SH3BP5: variants seen among roughly 807,000 people sequenced by gnomAD.
SH3BP5 encodes the protein SH3 domain-binding protein 5.
SH3BP5 carries 22 observed loss-of-function variants against 43.3 expected under a neutral mutation model. The observed-to-expected ratio is 0.51, with a 90% CI of 0.36 to 0.73. The LOEUF is 0.73. SH3BP5 is among the 30% of genes least tolerant of loss of function. SH3BP5 has a pLI of 0.00. For missense variants in SH3BP5, 529 were observed against 586.9 expected, an observed-to-expected ratio of 0.90 and a Z score of 1.02; for synonymous variants, 255 against 225.8, an observed-to-expected ratio of 1.13 and a Z score of -1.16.
At chr3:15,325,792 G>C (rs762884839) in intron 2 of SH3BP5, among the ~76,000 whole-genome samples, 3 of 152,190 alleles carry the variant, frequency 2.0e-5, no homozygotes, top group African/African-American at 7.2e-5. Flanking sequence ...GGCCAAGGGA[G>C]GCAGATCGCT....
At chr3:15,264,118 G>C (rs1696550633) in intron 4 of SH3BP5, among the ~76,000 whole-genome samples, 2 of 152,122 alleles carry the variant, frequency 1.3e-5, no homozygotes, top group African/African-American at 4.8e-5. Context: ...TTACGATAAG[G>C]ATTTTTAAAG....
At chr3:15,256,402 A>G in intron 8 of SH3BP5, 99 bp from the exon 9 acceptor site, 1 of 1,318,476 alleles carries the variant, frequency 7.6e-7, no homozygotes, top group Non-Finnish European at 1.1e-6. Flanking sequence ...TGACAATTCT[A>G]AGTCACTTGA....
chr3:15,291,538 A>G (rs112940346), intron 3 of SH3BP5, among the ~76,000 whole-genome samples: 2 of 152,322 alleles, frequency 1.3e-5, no homozygotes, highest in African/African-American at 4.8e-5. Flanking sequence ...GGTGTTCTGT[A>G]TTCCCATGTT....
At chr3:15,336,158 G>A (rs1224464578), upstream of SH3BP5, among the ~76,000 whole-genome samples, 1 of 152,044 alleles carries the variant, frequency 6.6e-6, no homozygotes, top group Non-Finnish European at 1.5e-5. Flanking sequence ...AAAGAAATGA[G>A]AAAGCGTACC....
intron 5 of SH3BP5, 116 bp downstream of exon 5, chr3:15,262,043 G>A (rs1292850991): frequency 1.6e-6 from 2 of 1,213,180 alleles, no homozygotes; most frequent in East Asian, 2.4e-5. Context: ...TGAGGCCCCA[G>A]GGTCTACATC....
At chr3:15,258,637 C>T in intron 7 of SH3BP5, 194 bp downstream of exon 7, 3 of 574,692 alleles carry the variant, frequency 5.2e-6, no homozygotes, top group Non-Finnish European at 9.2e-6. Flanking sequence ...ACCACAGAAT[C>T]CTGACTTTGA....
intron 2 of SH3BP5, among the ~76,000 whole-genome samples, chr3:15,307,513 C>T (rs1380932472): frequency 6.6e-6 from 1 of 152,222 alleles, no homozygotes; most frequent in Non-Finnish European, 1.5e-5. Context: ...TGTTACTTTC[C>T]ATCCCATAGG....
At chr3:15,286,105 G>A (rs566488042) in intron 3 of SH3BP5, among the ~76,000 whole-genome samples, 106 of 152,340 alleles carry the variant, frequency 7.0e-4, no homozygotes, top group African/African-American at 2.4e-3. Context: ...GCAGCCGGCG[G>A]GCCCTGGCCA....
intron 3 of SH3BP5, among the ~76,000 whole-genome samples, chr3:15,272,473 T>C (rs1039481009): frequency 1.3e-5 from 2 of 152,062 alleles, no homozygotes; most frequent in African/African-American, 4.8e-5. Flanking sequence ...AGGACACAAA[T>C]GATTTGAAAA....
chr3:15,312,446 A>C (rs539428474), intron 2 of SH3BP5, among the ~76,000 whole-genome samples: 1 of 152,322 alleles, frequency 6.6e-6, no homozygotes, highest in Non-Finnish European at 1.5e-5. Flanking sequence ...CCACAAAAAC[A>C]AAGCTCTCTG....
Position 15,255,096 on chromosome 3 carries a change from C to T in SH3BP5, c.*990G>A, listed in dbSNP as rs938024855. 6.5e-6 allele frequency: 1 copy of T among 152,680 alleles called. No homozygotes were observed. Among genetic ancestry groups the T allele is most frequent in the African/African-American group, 2.4e-5 (1 of 41,538 alleles). 9.5% of individuals were successfully genotyped at this position (152,680 alleles called of 1,614,324 possible). On this transcript the variant is annotated 3_prime_UTR_variant, in exon 9 of 9. Coordinates refer to ENST00000383791, the MANE Select transcript of SH3BP5 (RefSeq NM_004844.5). ...CTCTAAATATGCATTACCATGAAAACGTTAAAGAAAAGCAGTCTTAACACT... is the reference window on the plus strand; with the variant it reads ...CTCTAAATATGCATTACCATGAAAATGTTAAAGAAAAGCAGTCTTAACACT...
upstream of SH3BP5, among the ~76,000 whole-genome samples, chr3:15,336,997 C>G (rs533586554): frequency 1.3e-5 from 2 of 152,214 alleles, no homozygotes; most frequent in East Asian, 3.9e-4. Flanking sequence ...CTACTTTTTA[C>G]CTGTACTTAG....
rs1696160733 is a variant in SH3BP5, at chr3:15,255,433, C to T, written c.*653G>A. ...CTACCCTCATCCCCCCGCATCCCCA[C>T]TGGCATTCACCTTTCCCACCCCAAA... On this transcript the variant is annotated 3_prime_UTR_variant, in exon 9 of 9. Coordinates refer to ENST00000383791, the MANE Select transcript of SH3BP5 (RefSeq NM_004844.5). The T allele has an allele frequency of 6.6e-6, 1 of 152,668 alleles. No homozygotes were observed. Among genetic ancestry groups the T allele is most frequent in the South Asian group, 2.1e-4 (1 of 4,824 alleles). 9.5% of individuals were successfully genotyped at this position (152,668 alleles called of 1,614,324 possible).
intron 3 of SH3BP5, among the ~76,000 whole-genome samples, chr3:15,296,564 A>G (rs1373797321): frequency 1.3e-5 from 2 of 152,206 alleles, no homozygotes; most frequent in African/African-American, 2.4e-5. Flanking sequence ...CGAAGAAAAG[A>G]AAATAATAAA....
intron 2 of SH3BP5, among the ~76,000 whole-genome samples, chr3:15,325,462 C>T (rs1199143531): frequency 6.6e-6 from 1 of 152,252 alleles, no homozygotes; most frequent in African/African-American, 2.4e-5. Context: ...CTGAGGCTTG[C>T]TCACTCTCTC....
At chr3:15,268,249 GA>G (rs1250558450) in intron 4 of SH3BP5, among the ~76,000 whole-genome samples, 1 of 152,208 alleles carries the variant, frequency 6.6e-6, no homozygotes, top group Non-Finnish European at 1.5e-5. Context: ...TCTATTTAAG[GA>G]AGCACAAGGC....
At chr3:15,309,153 A>G (rs1697986253) in intron 2 of SH3BP5, among the ~76,000 whole-genome samples, 1 of 152,236 alleles carries the variant, frequency 6.6e-6, no homozygotes, top group Non-Finnish European at 1.5e-5. Context: ...ATCAAGAAGT[A>G]GTCACACAAT....
chr3:15,322,704 G>A (rs1224832671), intron 2 of SH3BP5, among the ~76,000 whole-genome samples: 10 of 152,088 alleles, frequency 6.6e-5, no homozygotes, highest in South Asian at 4.1e-4. Flanking sequence ...GCGTGGTGGC[G>A]CACTCCTGTA....
intron 2 of SH3BP5, among the ~76,000 whole-genome samples, chr3:15,318,673 G>A (rs1001832983): frequency 6.6e-6 from 1 of 151,758 alleles, no homozygotes; most frequent in African/African-American, 2.4e-5. Context: ...AACGATTCTT[G>A]TGCCTCAGCC....
Sources: gnomAD v4.1 joint callset for allele counts (sites outside exome capture counted in the v4.1 genomes callset) on GRCh38, gnomAD v4.1.1 for gene constraint, MANE v1.5 for transcripts, NCBI Gene and HGNC (gene_info 2026-07-23, HGNC 2026-07-21) for gene names.